Variants in USH2A observed in about 807,000 individuals in gnomAD.
The protein encoded by USH2A is usherin.
In USH2A, 443 loss-of-function variants were observed where a neutral mutation model predicts 538.9. That is an observed-to-expected ratio of 0.82 (90% CI 0.76 to 0.89). USH2A has a LOEUF of 0.89. USH2A is among the 40% of genes least tolerant of loss of function. USH2A has a pLI of 0.00. For synonymous variants in USH2A, 2,413 were observed against 2,273.5 expected (o/e 1.06, Z -1.75); for missense variants, 6,633 against 6,324.8 (o/e 1.05, Z -1.65).
intron 61 of USH2A, among the ~76,000 whole-genome samples, chr1:215,713,353 G>A (rs1659393906): frequency 6.6e-6 from 1 of 152,164 alleles, no homozygotes; most frequent in Non-Finnish European, 1.5e-5. Context: ...AAAAGCCAAA[G>A]CCAGTCTCTA....
chr1:215,920,400 G>C (rs1315535504), intron 38 of USH2A, among the ~76,000 whole-genome samples: 1 of 152,020 alleles, frequency 6.6e-6, no homozygotes, highest in Non-Finnish European at 1.5e-5. Flanking sequence ...CATCAAAGAA[G>C]ATAAAAATGT....
In USH2A at chr1:216,364,954, A is replaced by G; in HGVS notation, c.783T>C (p.Asn261=). ...SGTVQIGQSL[N]GLEQFVGRMQ... ...AACATTCTGAAGTCAGAAACTTACC[A>G]TTTAAACTCTGTCCTATTTGCACAG... is the stretch of plus-strand genomic sequence containing the variant. Residue 261 remains asparagine (N), a splice_region_variant and synonymous_variant, in exon 4 of 72, where the codon AAT becomes AAC. Coordinates refer to ENST00000307340, the MANE Select transcript of USH2A (RefSeq NM_206933.4). 6.2e-7 allele frequency: 1 copy of G among 1,613,446 alleles called. No individual in the cohort carries two copies. Among genetic ancestry groups the G allele is most frequent in the Non-Finnish European group, 8.5e-7 (1 of 1,179,580 alleles).
chr1:216,129,180 T>C (rs2033318575), intron 21 of USH2A, among the ~76,000 whole-genome samples: 1 of 152,128 alleles, frequency 6.6e-6, no homozygotes, highest in Admixed American at 6.6e-5. Flanking sequence ...TGACTCCATA[T>C]CTTGGCTATT....
chr1:215,769,455 T>C (rs1246006250), intron 55 of USH2A, among the ~76,000 whole-genome samples: 1 of 152,178 alleles, frequency 6.6e-6, no homozygotes, highest in African/African-American at 2.4e-5. Flanking sequence ...AAATATAAAT[T>C]GTCATTTCTT....
At chr1:216,242,672 C>T (rs12735355) in intron 13 of USH2A, among the ~76,000 whole-genome samples, 14 of 152,102 alleles carry the variant, frequency 9.2e-5, no homozygotes, top group Non-Finnish European at 1.5e-4. Context: ...ATCAATGTGA[C>T]TTCACTTGTA....
At chr1:215,904,795 G>A (rs1444639336) in intron 38 of USH2A, among the ~76,000 whole-genome samples, 1 of 151,980 alleles carries the variant, frequency 6.6e-6, no homozygotes, top group African/African-American at 2.4e-5. Flanking sequence ...AAACTCAAAG[G>A]AAGTGGGTTT....
intron 37 of USH2A, among the ~76,000 whole-genome samples, chr1:215,944,556 A>T (rs892590334): frequency 6.6e-6 from 1 of 152,158 alleles, no homozygotes; most frequent in African/African-American, 2.4e-5. Context: ...GCATTAATAA[A>T]TGCAAATTAC....
rs753016279 is a variant in USH2A, at chr1:216,365,070, T to C, written c.667A>G (p.Ile223Val). ...HLSVQVHQTK[I>V]SFFINGVEKD... The stretch of plus-strand genomic sequence containing the variant: ...TCCACGCCATTGATAAAGAAGCTGA[T>C]TTTTGTCTGATGCACCTGTAAGAAA... Residue 223 changes from isoleucine to valine, a missense_variant, in exon 4 of 72, where the codon ATC (isoleucine) becomes GTC (valine). Physicochemically the swap from Ile to Val is conservative, Grantham distance 29. Transcript: ENST00000307340. 1 of 1,613,032 alleles carries C rather than the reference T, an allele frequency of 6.2e-7. No homozygotes were observed. Among genetic ancestry groups the C allele is most frequent in the South Asian group, 1.1e-5 (1 of 90,864 alleles).
chr1:216,282,039 T>C (rs151300912), intron 11 of USH2A, among the ~76,000 whole-genome samples: 1 of 152,230 alleles, frequency 6.6e-6, no homozygotes, highest in East Asian at 1.9e-4. Context: ...ATTTGCGCAT[T>C]TTAAAATTGA....
In USH2A at chr1:215,640,570, T is replaced by C; in HGVS notation, c.14956A>G (p.Thr4986Ala). ...GLDTTLYIPR[T>A]ADKTFFFQVI... The stretch of plus-strand genomic sequence containing the variant: ...GTCAGAAACTAACTTTTGTCCGCCG[T>C]TCTCGGTATGTAGAGGGTGGTGTCC... Residue 4986 changes from threonine to alanine, a missense_variant, in exon 68 of 72, where the codon ACG becomes GCG. Physicochemically the swap from Thr to Ala is moderately conservative, Grantham distance 58. Transcript: ENST00000307340. 16 of 1,613,726 alleles carry C rather than the reference T, an allele frequency of 9.9e-6. No individual in the cohort carries two copies. The highest frequency in any genetic ancestry group is 1.4e-5 in the Non-Finnish European group (16 of 1,179,904).
intron 25 of USH2A, among the ~76,000 whole-genome samples, chr1:216,084,067 C>T (rs1260574565): frequency 4.6e-5 from 7 of 151,936 alleles, no homozygotes; most frequent in African/African-American, 9.7e-5. Context: ...ATGAACAAGC[C>T]GGGTGCACCA....
chr1:215,649,122 C>CA (rs1656962057), intron 65 of USH2A, among the ~76,000 whole-genome samples: 1 of 152,108 alleles, frequency 6.6e-6, no homozygotes, highest in African/African-American at 2.4e-5. Context: ...GATGTCTTTT[C>CA]AAAAAACAAA....
In USH2A at chr1:216,161,054, C is replaced by T. The variant is rs1553309153; in HGVS notation, c.4627+14198G>A. 5.1e-4 allele frequency among the ~76,000 whole-genome samples: 78 copies of T among 152,142 alleles called. 2 individuals are homozygous for T. The highest frequency in any genetic ancestry group is 4.4e-5 in the Non-Finnish European group (3 of 67,972). On this transcript the variant is annotated intron_variant, in intron 21 of 71. Coordinates refer to ENST00000307340, the MANE Select transcript of USH2A (RefSeq NM_206933.4). ...ATCTATATATCAATACATCTTATCT[C>T]TTTCTTTGTTTTCGAATTTTGTCTT...
chr1:216,375,493 C>A (rs115338751), intron 3 of USH2A, among the ~76,000 whole-genome samples: 1 of 152,162 alleles, frequency 6.6e-6, no homozygotes, highest in Non-Finnish European at 1.5e-5. Flanking sequence ...AGCTTGCTCA[C>A]TTCTCTCAGC....
chr1:216,279,655 A>C (rs911193941), intron 11 of USH2A, among the ~76,000 whole-genome samples: 4 of 152,152 alleles, frequency 2.6e-5, no homozygotes, highest in Admixed American at 6.5e-5. Flanking sequence ...TAAAAGTTTG[A>C]GGACTACCCT....
intron 29 of USH2A, among the ~76,000 whole-genome samples, chr1:216,070,518 T>C (rs1035645945): frequency 6.6e-6 from 1 of 152,172 alleles, no homozygotes; most frequent in African/African-American, 2.4e-5. Flanking sequence ...CATAACATTC[T>C]TTCAAGTCTA....
chr1:215,892,930 A>C (rs780578682), intron 40 of USH2A, among the ~76,000 whole-genome samples: 21 of 152,286 alleles, frequency 1.4e-4, no homozygotes, highest in Non-Finnish European at 2.9e-4. Context: ...TCCTGATATC[A>C]GGAGAGTATT....
At chr1:216,346,074 T>C (rs1477141457) in intron 4 of USH2A, among the ~76,000 whole-genome samples, 1 of 152,028 alleles carries the variant, frequency 6.6e-6, no homozygotes, top group Non-Finnish European at 1.5e-5. Context: ...CGCATGAACA[T>C]TTGTTGATTC....
At chr1:216,075,844 A>G (rs529413063) in intron 27 of USH2A, among the ~76,000 whole-genome samples, 28 of 115,448 alleles carry the variant, frequency 2.4e-4, no homozygotes, top group South Asian at 5.8e-4. Flanking sequence ...GGAAGATTGC[A>G]ACGTTAGTAG....
Sources: allele counts gnomAD v4.1 joint callset (sites outside exome capture counted in the v4.1 genomes callset), GRCh38; gene constraint gnomAD v4.1.1; transcripts MANE v1.5; gene names NCBI Gene and HGNC (gene_info 2026-07-23, HGNC 2026-07-21).